The following ENTREP2 variants were observed in gnomAD, a reference collection of about 807,000 sequenced individuals.
The protein encoded by ENTREP2 is protein ENTREP2.
At chr15:29,224,558 C>A in the ENTREP2 span, among the ~76,000 whole-genome samples, 1 of 152,168 alleles carries the variant, frequency 6.6e-6, no homozygotes, top group Non-Finnish European at 1.5e-5. Context: ...AATCCCTGAG[C>A]TAGACACAAA....
At chr15:29,666,729 C>G in the ENTREP2 span, among the ~76,000 whole-genome samples, 2 of 152,208 alleles carry the variant, frequency 1.3e-5, no homozygotes, top group Admixed American at 6.5e-5. Context: ...CCTGAGTTAT[C>G]AGTTCCTGGA....
At chr15:29,123,843 A>G in the ENTREP2 span, among the ~76,000 whole-genome samples, 3 of 152,060 alleles carry the variant, frequency 2.0e-5, no homozygotes, top group Admixed American at 2.0e-4. Context: ...ACTAGTGTCA[A>G]CCTCCAGGGG....
chr15:29,582,117 T>C, the ENTREP2 span, among the ~76,000 whole-genome samples: 2 of 152,140 alleles, frequency 1.3e-5, no homozygotes, highest in African/African-American at 4.8e-5. Flanking sequence ...AATTTTTTTG[T>C]ATTTTTAGTA....
chr15:29,126,615 A>G, the ENTREP2 span: 14 of 781,024 alleles, frequency 1.8e-5, no homozygotes, highest in Middle Eastern at 3.7e-4. Flanking sequence ...GAAACACTGG[A>G]TAAGATTGAC....
the ENTREP2 span, among the ~76,000 whole-genome samples, chr15:29,391,991 A>AT: frequency 3.3e-5 from 5 of 151,760 alleles, no homozygotes; most frequent in Non-Finnish European, 4.4e-5. Context: ...TGCCTGGCTA[A>AT]TTTTTTTTCC....
chr15:29,439,721 G>T, the ENTREP2 span, among the ~76,000 whole-genome samples: 1 of 152,120 alleles, frequency 6.6e-6, no homozygotes, highest in Admixed American at 6.6e-5. Context: ...TTTAACTCAC[G>T]TCCACTAATT....
the ENTREP2 span, among the ~76,000 whole-genome samples, chr15:29,487,592 T>C: frequency 2.0e-5 from 3 of 152,192 alleles, no homozygotes; most frequent in African/African-American, 7.2e-5. Flanking sequence ...ATTACAGATC[T>C]TGCAAAACTC....
chr15:29,592,024 C>T, the ENTREP2 span, among the ~76,000 whole-genome samples: 3 of 152,198 alleles, frequency 2.0e-5, no homozygotes, highest in African/African-American at 4.8e-5. Flanking sequence ...TCAGAGAAAG[C>T]GTGGCCCTCC....
the ENTREP2 span, chr15:29,252,317 C>A: frequency 1.7e-6 from 2 of 1,172,768 alleles, no homozygotes; most frequent in Non-Finnish European, 1.2e-6. Context: ...TGCTCTTGTA[C>A]AAAATCAAAT....
At chr15:29,456,618 TCA>T in the ENTREP2 span, among the ~76,000 whole-genome samples, 2 of 152,154 alleles carry the variant, frequency 1.3e-5, no homozygotes, top group Admixed American at 1.3e-4. Flanking sequence ...TCCCAGGTGT[TCA>T]CAGCCGCAGA....
the ENTREP2 span, among the ~76,000 whole-genome samples, chr15:29,189,242 G>C: frequency 6.6e-6 from 1 of 152,132 alleles, no homozygotes; most frequent in South Asian, 2.1e-4. Context: ...CCCTTAACAT[G>C]TGGGATCCAA....
At chr15:29,193,349 C>T in the ENTREP2 span, among the ~76,000 whole-genome samples, 1 of 152,284 alleles carries the variant, frequency 6.6e-6, no homozygotes, top group Non-Finnish European at 1.5e-5. Context: ...AACAAAAAGG[C>T]AGAGGAAAAG....
chr15:29,208,775 C>T, the ENTREP2 span, among the ~76,000 whole-genome samples: 2 of 152,152 alleles, frequency 1.3e-5, no homozygotes. Flanking sequence ...AATAGCCATG[C>T]CTGTGTATCC....
At chr15:29,173,485 A>C in the ENTREP2 span, among the ~76,000 whole-genome samples, 1 of 152,092 alleles carries the variant, frequency 6.6e-6, no homozygotes, top group Non-Finnish European at 1.5e-5. Flanking sequence ...CCTTGATCTC[A>C]TCTGTGAGGG....
the ENTREP2 span, among the ~76,000 whole-genome samples, chr15:29,651,340 GA>G: frequency 6.6e-6 from 1 of 152,260 alleles, no homozygotes; most frequent in Non-Finnish European, 1.5e-5. Context: ...AGGTATTCTG[GA>G]AAAGACACCA....
At chr15:29,206,279 A>C in the ENTREP2 span, among the ~76,000 whole-genome samples, 141 of 152,248 alleles carry the variant, frequency 9.3e-4, 1 homozygote, top group African/African-American at 3.3e-3. Context: ...TTATAAAGGC[A>C]CTAACCCACT....
At chr15:29,480,838 C>G in the ENTREP2 span, among the ~76,000 whole-genome samples, 2 of 152,148 alleles carry the variant, frequency 1.3e-5, no homozygotes, top group African/African-American at 4.8e-5. Context: ...GGGTGAGAGT[C>G]TGGGAGGTAA....
chr15:29,395,098 C>G, the ENTREP2 span, among the ~76,000 whole-genome samples: 1 of 150,768 alleles, frequency 6.6e-6, no homozygotes, highest in Admixed American at 6.6e-5. Flanking sequence ...CCATGTTAGC[C>G]AGGATGGTCT....
the ENTREP2 span, among the ~76,000 whole-genome samples, chr15:29,176,291 C>T: frequency 2.0e-5 from 3 of 152,170 alleles, no homozygotes; most frequent in Non-Finnish European, 2.9e-5. Flanking sequence ...GGTGGGGGGG[C>T]ACATTCATTT....
Sources: gnomAD v4.1 joint callset for allele counts (sites outside exome capture counted in the v4.1 genomes callset) on GRCh38, gnomAD v4.1.1 for gene constraint, MANE v1.5 for transcripts, NCBI Gene and HGNC (gene_info 2026-07-23, HGNC 2026-07-21) for gene names.